ADAMTSL1: variants seen among roughly 807,000 people sequenced by gnomAD.
ADAMTSL1 encodes ADAMTS like 1.
In ADAMTSL1, 126 loss-of-function variants were observed where a neutral mutation model predicts 201.8. The observed-to-expected ratio is 0.62, with a 90% CI of 0.54 to 0.72. The LOEUF is 0.72. Among genes scored for constraint, ADAMTSL1 ranks in the 30% least tolerant of loss-of-function variants. The pLI is 0.00. For synonymous variants in ADAMTSL1, 1,121 were observed against 903.4 expected, an observed-to-expected ratio of 1.24 and a Z score of -4.32; for missense variants, 2,679 against 2,277.8, an observed-to-expected ratio of 1.18 and a Z score of -3.59.
intron 1 of ADAMTSL1, among the ~76,000 whole-genome samples, chr9:18,498,440 G>A (rs1009370183): frequency 2.0e-5 from 3 of 150,740 alleles, no homozygotes; most frequent in African/African-American, 7.3e-5. Flanking sequence ...GGGTTCAAGC[G>A]ATTCTTGTGT....
intron 2 of ADAMTSL1, among the ~76,000 whole-genome samples, chr9:18,312,397 A>G (rs918749727): frequency 2.6e-5 from 4 of 152,202 alleles, no homozygotes; most frequent in African/African-American, 9.6e-5. Context: ...ACATCGTTGT[A>G]TCTAAGAGGA....
chr9:18,764,515 G>A (rs554227709), intron 16 of ADAMTSL1, among the ~76,000 whole-genome samples: 2 of 152,246 alleles, frequency 1.3e-5, no homozygotes, highest in East Asian at 3.9e-4. Flanking sequence ...CTCTAGCCAG[G>A]ACAAGAAGTG....
At chr9:18,583,982 A>G (rs1352553224) in intron 4 of ADAMTSL1, among the ~76,000 whole-genome samples, 2 of 152,236 alleles carry the variant, frequency 1.3e-5, no homozygotes, top group African/African-American at 2.4e-5. Flanking sequence ...GCTTTGTCTC[A>G]GATGAGACGA....
intron 12 of ADAMTSL1, among the ~76,000 whole-genome samples, chr9:18,682,188 C>T (rs1490372031): frequency 6.6e-6 from 1 of 152,098 alleles, no homozygotes; most frequent in Non-Finnish European, 1.5e-5. Context: ...AATTATCTCC[C>T]AAGTCATAAA....
chr9:18,449,422 C>T (rs1242672761), intron 2 of ADAMTSL1, among the ~76,000 whole-genome samples: 1 of 151,948 alleles, frequency 6.6e-6, no homozygotes, highest in Non-Finnish European at 1.5e-5. Flanking sequence ...AAGGGCTTTA[C>T]CAAGACTTAA....
chr9:18,079,346 T>C (rs1406761836), intron 1 of ADAMTSL1, among the ~76,000 whole-genome samples: 1 of 152,176 alleles, frequency 6.6e-6, no homozygotes, highest in East Asian at 1.9e-4. Context: ...AAGTCGAAAG[T>C]TTCCATTTAA....
chr9:18,390,154 C>G (rs1478335086), intron 2 of ADAMTSL1, among the ~76,000 whole-genome samples: 1 of 151,952 alleles, frequency 6.6e-6, no homozygotes, highest in Non-Finnish European at 1.5e-5. Flanking sequence ...AAATTTGGCT[C>G]TAGATTTTCT....
At chr9:18,542,233 T>C (rs1587509288) in intron 3 of ADAMTSL1, among the ~76,000 whole-genome samples, 1 of 152,196 alleles carries the variant, frequency 6.6e-6, no homozygotes, top group Non-Finnish European at 1.5e-5. Context: ...ATTTTATACA[T>C]AATTGAGTTT....
intron 5 of ADAMTSL1, among the ~76,000 whole-genome samples, chr9:18,626,761 T>C (rs1294054123): frequency 6.6e-6 from 1 of 152,206 alleles, no homozygotes; most frequent in Non-Finnish European, 1.5e-5. Context: ...GCTGTGGAAA[T>C]GATGAGAAGT....
At chr9:18,561,311 G>T (rs954827509) in intron 3 of ADAMTSL1, among the ~76,000 whole-genome samples, 5 of 152,120 alleles carry the variant, frequency 3.3e-5, no homozygotes, top group Non-Finnish European at 7.4e-5. Context: ...TTCAGGAGCA[G>T]GCTGTTCAGT....
chr9:18,130,454 T>G (rs1224400650), intron 1 of ADAMTSL1, among the ~76,000 whole-genome samples: 8 of 152,160 alleles, frequency 5.3e-5, no homozygotes, highest in African/African-American at 1.9e-4. Flanking sequence ...CTGATGAAAA[T>G]TTGACCAATT....
intron 21 of ADAMTSL1, among the ~76,000 whole-genome samples, chr9:18,825,480 C>T (rs923921160): frequency 6.6e-6 from 1 of 152,220 alleles, no homozygotes; most frequent in Non-Finnish European, 1.5e-5. Context: ...TCCAAAAATA[C>T]AAGCAAGTTT....
At position 18,795,494 on chromosome 9, in the gene ADAMTSL1, G is replaced by A. The variant is rs761908680; in HGVS notation, c.3775G>A (p.Asp1259Asn). The A allele has an allele frequency of 7.4e-6, 12 of 1,613,444 alleles. No individual in the cohort carries two copies. The highest frequency in any genetic ancestry group is 4.0e-5 in the African/African-American group (3 of 74,896). The stretch of plus-strand genomic sequence containing the variant: ...CAATGCCACCAATGCCTTGGGATAC[G>A]ACTCTGTCTCCATTGCCGTCACATT... ...TCNATNALGYDSVSIAVTLAG... is the reference protein window; with the variant it reads ...TCNATNALGYNSVSIAVTLAG... Residue 1259 changes from aspartate (D) to asparagine (N), a missense_variant, in exon 20 of 29, where the codon GAC becomes AAC. By Grantham distance (23) the Asp-to-Asn change is conservative. Coordinates refer to ENST00000380548, the MANE Select transcript of ADAMTSL1 (RefSeq NM_001040272.6).
intron 2 of ADAMTSL1, among the ~76,000 whole-genome samples, chr9:18,316,013 T>G (rs1420178277): frequency 1.3e-5 from 2 of 152,176 alleles, no homozygotes; most frequent in Admixed American, 6.5e-5. Context: ...AGAGAGAAAT[T>G]TTAAAGCTGG....
At chr9:18,575,957 C>T (rs886926410) in intron 4 of ADAMTSL1, among the ~76,000 whole-genome samples, 1 of 152,162 alleles carries the variant, frequency 6.6e-6, no homozygotes, top group African/African-American at 2.4e-5. Context: ...ATCCTGCCAG[C>T]AGGCCTCATG....
chr9:18,649,282 C>T (rs1162431806), intron 7 of ADAMTSL1, among the ~76,000 whole-genome samples: 2 of 152,082 alleles, frequency 1.3e-5, no homozygotes, highest in African/African-American at 4.8e-5. Context: ...TCTAGTTATA[C>T]ATTTGTCTAA....
chr9:18,274,765 A>G (rs1197830154), intron 2 of ADAMTSL1, among the ~76,000 whole-genome samples: 2 of 152,230 alleles, frequency 1.3e-5, no homozygotes, highest in Non-Finnish European at 2.9e-5. Context: ...TATAAAAGAT[A>G]GTAAGTAAAT....
intron 1 of ADAMTSL1, among the ~76,000 whole-genome samples, chr9:18,123,029 G>A (rs567308435): frequency 1.2e-4 from 18 of 152,266 alleles, no homozygotes; most frequent in Admixed American, 1.0e-3. Flanking sequence ...ATGAGCTACT[G>A]TGCCCAGTCT....
chr9:18,287,496 A>T (rs563770273), intron 2 of ADAMTSL1, among the ~76,000 whole-genome samples: 1 of 151,680 alleles, frequency 6.6e-6, no homozygotes, highest in Non-Finnish European at 1.5e-5. Context: ...TAATGCATGT[A>T]TTTATATGTG....
Sources: gnomAD v4.1 joint callset for allele counts (sites outside exome capture counted in the v4.1 genomes callset) on GRCh38, gnomAD v4.1.1 for gene constraint, MANE v1.5 for transcripts, NCBI Gene and HGNC (gene_info 2026-07-23, HGNC 2026-07-21) for gene names.